Variants in WDR82 observed in about 807,000 individuals in gnomAD.
The protein encoded by WDR82 is WD repeat domain 82, also known as WD repeat-containing protein 82.
WDR82 carries 8 observed loss-of-function variants against 36.1 expected under a neutral mutation model. That is an observed-to-expected ratio of 0.22 (90% CI 0.13 to 0.40). The LOEUF (loss-of-function observed/expected upper bound fraction) is 0.40, where lower values mean the gene tolerates loss of function less well. WDR82 is among the 10% of genes least tolerant of loss of function. The pLI is 1.00. For missense variants in WDR82, 185 were observed against 400.5 expected (o/e 0.46, Z 4.59); for synonymous variants, 129 against 137.8 (o/e 0.94, Z 0.45).
chr3:52,277,719 G>T (rs1700218073), intron 1 of WDR82, among the ~76,000 whole-genome samples: 1 of 152,250 alleles, frequency 6.6e-6, no homozygotes, highest in Non-Finnish European at 1.5e-5. Flanking sequence ...GAAGCTGAGG[G>T]GCAGGGGATG....
intron 7 of WDR82, 45 bp downstream of exon 7, chr3:52,259,152 T>C (rs776574701): frequency 5.3e-6 from 8 of 1,522,636 alleles, no homozygotes; most frequent in Non-Finnish European, 6.3e-6. Flanking sequence ...AAGAAATGCA[T>C]AGTACCAGAG....
Position 52,260,375 on chromosome 3 carries a change from A to G in WDR82, c.543+10T>C, listed in dbSNP as rs774547724. On this transcript the variant is annotated intron_variant, in intron 5 of 8. Transcript: ENST00000296490. ...AACAGCTCAAAGATCTCAAAGATTC[A>G]AAGATTTACCTTATCAAAAGAACGA... 1 of 1,532,280 alleles carries G rather than the reference A, an allele frequency of 6.5e-7. No homozygotes were observed. The highest frequency in any genetic ancestry group is 8.7e-7 in the Non-Finnish European group (1 of 1,145,522). 94.9% of individuals were successfully genotyped at this position (1,532,280 alleles called of 1,614,324 possible).
chr3:52,272,812 T>C (rs1351658042), intron 1 of WDR82, among the ~76,000 whole-genome samples: 1 of 152,262 alleles, frequency 6.6e-6, no homozygotes, highest in East Asian at 1.9e-4. Context: ...AAGCAGTCTT[T>C]AAGAAGTCAG....
rs1352933908 is a variant in WDR82, at chr3:52,278,035, A to T, written c.161+166T>A. 2.5e-5 allele frequency: 13 copies of T among 518,416 alleles called. No homozygotes were observed. In the East Asian group the frequency reaches 3.2e-4, roughly 13 times the overall value. The allele number at this position is 518,416 out of a possible 1,614,324, so 32.1% of individuals were successfully genotyped here. ...TTATCTTTTTTTTTTAAGAAGAAAAAAATAAAAGGTCTCCTGGACGGCTGC... is the reference window on the plus strand; with the variant it reads ...TTATCTTTTTTTTTTAAGAAGAAAATAATAAAAGGTCTCCTGGACGGCTGC... On this transcript the variant is annotated intron_variant, in intron 1 of 8. Transcript: ENST00000296490.
chr3:52,276,645 T>G (rs1178339866), intron 1 of WDR82, among the ~76,000 whole-genome samples: 1 of 152,176 alleles, frequency 6.6e-6, no homozygotes, highest in African/African-American at 2.4e-5. Context: ...GCAAGCCAGC[T>G]TCAAATTACT....
chr3:52,261,120 T>G (rs1280349129), intron 4 of WDR82, among the ~76,000 whole-genome samples: 2 of 152,148 alleles, frequency 1.3e-5, no homozygotes, highest in Non-Finnish European at 2.9e-5. Context: ...AGCGAAACCC[T>G]GTCTCAAAAC....
chr3:52,271,589 GT>G (rs11293312), intron 1 of WDR82, among the ~76,000 whole-genome samples: 24,973 of 148,066 alleles, frequency 0.17, 2,829 homozygotes, highest in African/African-American at 0.32. Context: ...GAAGCTCTGT[GT>G]TTTTTTTTTT....
At chr3:52,271,891 C>T (rs533633835) in intron 1 of WDR82, among the ~76,000 whole-genome samples, 180 of 151,578 alleles carry the variant, frequency 1.2e-3, no homozygotes, top group Non-Finnish European at 1.2e-3. Context: ...GTCAGAAGTT[C>T]GAGAGCAGCC....
chr3:52,267,678 T>C (rs1012776637), intron 2 of WDR82: 1 of 152,304 alleles, frequency 6.6e-6, no homozygotes, highest in South Asian at 2.1e-4. Flanking sequence ...CAGTGAGATT[T>C]TGACAATATT....
chr3:52,270,868 C>CTCCA (rs1458093040), intron 1 of WDR82, 59 bp from the exon 2 acceptor site: 1 of 1,343,498 alleles, frequency 7.4e-7, no homozygotes, highest in African/African-American at 1.5e-5. Context: ...AATCTGGGAT[C>CTCCA]TCCACATAAA....
intron 7 of WDR82, among the ~76,000 whole-genome samples, chr3:52,258,913 A>G (rs1239970202): frequency 6.6e-6 from 1 of 152,194 alleles, no homozygotes; most frequent in Non-Finnish European, 1.5e-5. Context: ...TCATCTAAAA[A>G]AGGGGCCGAA....
At chr3:52,274,018 C>T (rs1285097466) in intron 1 of WDR82, among the ~76,000 whole-genome samples, 2 of 152,182 alleles carry the variant, frequency 1.3e-5, no homozygotes, top group East Asian at 3.8e-4. Context: ...TGGTAAGCTT[C>T]CTTCCTCAAA....
At chr3:52,260,320 ACT>A (rs1175366806) in intron 5 of WDR82, 63 bp downstream of exon 5, 3 of 1,277,278 alleles carry the variant, frequency 2.3e-6, no homozygotes, top group African/African-American at 1.6e-5. Context: ...TAAGAGCAAA[ACT>A]CTGTCTCAAA....
In WDR82 at chr3:52,273,356, G is replaced by A. The variant is rs549664725; in HGVS notation, c.162-2547C>T. On this transcript the variant is annotated intron_variant, in intron 1 of 8. Coordinates refer to ENST00000296490, the MANE Select transcript of WDR82 (RefSeq NM_025222.4). Reference sequence around the variant, plus strand: ...TGAGGTAGGAGAATCACTGGAACCCGGGACATGGAGGTTGCATTGAGCCAA... The same window carrying A: ...TGAGGTAGGAGAATCACTGGAACCCAGGACATGGAGGTTGCATTGAGCCAA... Among the ~76,000 whole-genome samples, 12 of 152,008 alleles carry A rather than the reference G, an allele frequency of 7.9e-5. 1 individual carries two copies. In the East Asian group the frequency reaches 9.7e-4, roughly 12 times the overall value.
At chr3:52,265,235 G>C (rs190378333) in intron 3 of WDR82, among the ~76,000 whole-genome samples, 6 of 134,468 alleles carry the variant, frequency 4.5e-5, no homozygotes, top group Admixed American at 4.3e-4. Flanking sequence ...AAGAGGCGGA[G>C]CCTGCAGTGA....
At chr3:52,271,777 T>C (rs571091249) in intron 1 of WDR82, among the ~76,000 whole-genome samples, 11 of 152,344 alleles carry the variant, frequency 7.2e-5, no homozygotes, top group African/African-American at 2.2e-4. Flanking sequence ...AATAGTTCCT[T>C]TGCTTTTACT....
intron 3 of WDR82, among the ~76,000 whole-genome samples, chr3:52,265,151 C>A (rs1464848300): frequency 1.3e-5 from 2 of 151,402 alleles, no homozygotes; most frequent in Non-Finnish European, 3.0e-5. Context: ...ATACAAAAAA[C>A]TAGCGGGGCT....
At chr3:52,274,170 G>C in intron 1 of WDR82, among the ~76,000 whole-genome samples, 1 of 152,190 alleles carries the variant, frequency 6.6e-6, no homozygotes, top group East Asian at 1.9e-4. Context: ...CCATTGTAAA[G>C]AAAATTTAAA....
Position 52,266,395 on chromosome 3 carries a change from A to T in WDR82, c.326+557T>A, listed in dbSNP as rs544523579. On this transcript the variant is annotated intron_variant, in intron 3 of 8. Coordinates refer to ENST00000296490, the MANE Select transcript of WDR82 (RefSeq NM_025222.4). The stretch of plus-strand genomic sequence containing the variant: ...TGTATATATAAAACTAGAAATATAT[A>T]TATCTAACTAGAAATAGATATACCT... Among the ~76,000 whole-genome samples the T allele has an allele frequency of 3.3e-5, 5 of 152,222 alleles. No homozygotes were observed. In the South Asian group the frequency reaches 1.0e-3, roughly 32 times the overall value.
Sources: allele counts gnomAD v4.1 joint callset (sites outside exome capture counted in the v4.1 genomes callset), GRCh38; gene constraint gnomAD v4.1.1; transcripts MANE v1.5; gene names NCBI Gene and HGNC (gene_info 2026-07-23, HGNC 2026-07-21).